SMPDL3A: variants seen among roughly 807,000 people sequenced by gnomAD.
The protein encoded by SMPDL3A is sphingomyelin phosphodiesterase acid like 3A, also known as cyclic GMP-AMP phosphodiesterase SMPDL3A.
In SMPDL3A, 39 loss-of-function variants were observed where a neutral mutation model predicts 38.5. The observed-to-expected ratio is 1.01, with a 90% CI of 0.78 to 1.32. The LOEUF is 1.32. Ranked by LOEUF, SMPDL3A falls within the 40% of genes most tolerant of loss-of-function variation. The pLI is 0.00. For missense variants in SMPDL3A, 502 were observed against 536.2 expected, an observed-to-expected ratio of 0.94 and a Z score of 0.63; for synonymous variants, 180 against 194.3, an observed-to-expected ratio of 0.93 and a Z score of 0.61.
At chr6:122,789,578 G>C in intron 1 of SMPDL3A, 120 bp downstream of exon 1, 1 of 953,270 alleles carries the variant, frequency 1.0e-6, no homozygotes, top group Non-Finnish European at 1.6e-6. Flanking sequence ...GGGCTAGCGG[G>C]GCCCCTGACG....
chr6:122,803,192 C>A (rs964185415), intron 4 of SMPDL3A, among the ~76,000 whole-genome samples: 1 of 152,190 alleles, frequency 6.6e-6, no homozygotes, highest in African/African-American at 2.4e-5. Context: ...CTTTAAACCT[C>A]CTCTCCCCTG....
chr6:122,806,489 CT>C, intron 7 of SMPDL3A, 132 bp downstream of exon 7: 1 of 890,302 alleles, frequency 1.1e-6, no homozygotes, highest in Admixed American at 2.4e-5. Context: ...CATCCTTCTT[CT>C]TTTTTATACT....
chr6:122,794,424 C>T (rs548673090), intron 1 of SMPDL3A, among the ~76,000 whole-genome samples: 6 of 152,000 alleles, frequency 3.9e-5, no homozygotes, highest in South Asian at 2.1e-4. Flanking sequence ...GGTGAAACCC[C>T]GTCTCTACTA....
Position 122,801,331 on chromosome 6 carries a change from A to C in SMPDL3A, c.493A>C (p.Ser165Arg). The change falls in exon 4 of 8, where the codon AGT (serine) becomes CGT (arginine). Residue 165 changes from serine (S) to arginine (R), a missense_variant. By Grantham distance (110) the Ser-to-Arg change is moderately radical. Transcript: ENST00000368440. ...CCAGGATCAACTGCCTGTAGTCACC[A>C]GTAAAGTGTACAATGCAGTAGCAAA... ...WPQDQLPVVT[S>R]KVYNAVANLW... 6.2e-7 allele frequency: 1 copy of C among 1,613,152 alleles called. No homozygotes were observed. Among genetic ancestry groups the C allele is most frequent in the Non-Finnish European group, 8.5e-7 (1 of 1,179,068 alleles).
Position 122,809,322 on chromosome 6 carries a change from G to T in SMPDL3A, c.1276G>T (p.Ala426Ser). The T allele has an allele frequency of 1.2e-6, 2 of 1,613,710 alleles. No individual in the cohort carries two copies. Among genetic ancestry groups the T allele is most frequent in the Non-Finnish European group, 8.5e-7 (1 of 1,179,660 alleles). ...SSVTCDKTCK[A>S]FQICAIMNLD... Reference sequence around the variant, plus strand: ...TGTAACATGTGATAAGACATGTAAGGCCTTTCAGATTTGTGCAATTATGAA... The same window carrying T: ...TGTAACATGTGATAAGACATGTAAGTCCTTTCAGATTTGTGCAATTATGAA... The change falls in exon 8 of 8, where the codon GCC becomes TCC. Residue 426 changes from alanine (A) to serine (S), a missense_variant. Ala to Ser is a moderately conservative substitution (Grantham distance 99). Coordinates refer to ENST00000368440, the MANE Select transcript of SMPDL3A (RefSeq NM_006714.5).
chr6:122,806,866 G>A (rs539178304), intron 7 of SMPDL3A, among the ~76,000 whole-genome samples: 1 of 152,222 alleles, frequency 6.6e-6, no homozygotes, highest in Non-Finnish European at 1.5e-5. Context: ...AAAACGCTTG[G>A]CTCATACTAA....
Position 122,789,268 on chromosome 6 carries a change from T to C in SMPDL3A, c.-79T>C, listed in dbSNP as rs1481121170. ...TCTACACCCGCAGCCGTCTTCTGTC[T>C]CCGCCTCACCCTCAGGCCTGACGGT... On this transcript the variant is annotated 5_prime_UTR_variant, in exon 1 of 8. Transcript: ENST00000368440. 2.9e-6 allele frequency: 3 copies of C among 1,024,778 alleles called. No individual in the cohort carries two copies. Among genetic ancestry groups the C allele is most frequent in the African/African-American group, 3.3e-5 (2 of 60,736 alleles). The allele number at this position is 1,024,778 out of a possible 1,614,324, so 63.5% of individuals were successfully genotyped here. A position where few individuals can be genotyped will look rare whatever the true frequency, so the allele number is the denominator to read the frequency against.
intron 7 of SMPDL3A, 28 bp downstream of exon 7, chr6:122,806,385 C>A: frequency 1.3e-6 from 2 of 1,580,620 alleles, no homozygotes; most frequent in Non-Finnish European, 1.7e-6. Context: ...AGAGCTGACC[C>A]CATATTTATG....
At chr6:122,789,894 C>T in intron 1 of SMPDL3A, 1 of 983,878 alleles carries the variant, frequency 1.0e-6, no homozygotes, top group Non-Finnish European at 1.2e-6. Context: ...TGCAGTTTCC[C>T]CACCAGCTCA....
intron 1 of SMPDL3A, among the ~76,000 whole-genome samples, chr6:122,794,611 C>CA (rs560581701): frequency 3.1e-4 from 47 of 151,070 alleles, no homozygotes; most frequent in Non-Finnish European, 5.6e-4. Flanking sequence ...AAAACACACA[C>CA]AAAAAAAAAC....
intron 4 of SMPDL3A, among the ~76,000 whole-genome samples, chr6:122,802,788 A>G (rs1284873791): frequency 6.6e-6 from 1 of 152,166 alleles, no homozygotes; most frequent in Admixed American, 6.5e-5. Context: ...ATCCTGAGAA[A>G]GTCTTAAAGG....
rs777559800 is a variant in SMPDL3A at position 122,789,439 on chromosome 6, G to A, written c.93G>A (p.Arg31=). The A allele has an allele frequency of 2.1e-5, 32 of 1,549,342 alleles. No homozygotes were observed. In the African/African-American group the frequency reaches 4.0e-4, roughly 19 times the overall value. The change falls in exon 1 of 8, where the codon AGG becomes AGA. Residue 31 remains arginine, a synonymous_variant. Transcript: ENST00000368440. Reference sequence around the variant, plus strand: ...TGCCCGTGGCGCCCGCAGGCGGCAGGAATCCTCCTCCGGCGATAGGTGAGT... The same window carrying A: ...TGCCCGTGGCGCCCGCAGGCGGCAGAAATCCTCCTCCGGCGATAGGTGAGT... ...LGLPVAPAGG[R]NPPPAIGQFW... is the part of the protein sequence containing the mutation.
intron 3 of SMPDL3A, among the ~76,000 whole-genome samples, chr6:122,797,847 A>C (rs1017026077): frequency 1.3e-5 from 2 of 152,116 alleles, no homozygotes; most frequent in Non-Finnish European, 2.9e-5. Flanking sequence ...CCTACCCTTC[A>C]TTTTGTAGGT....
At chr6:122,799,553 T>C (rs1781356821) in intron 3 of SMPDL3A, among the ~76,000 whole-genome samples, 1 of 152,234 alleles carries the variant, frequency 6.6e-6, no homozygotes, top group African/African-American at 2.4e-5. Context: ...CAAGACTTTA[T>C]GGCTTTTTAT....
chr6:122,790,600 C>T (rs950653455), intron 1 of SMPDL3A, among the ~76,000 whole-genome samples: 4 of 152,282 alleles, frequency 2.6e-5, no homozygotes, highest in East Asian at 1.9e-4. Flanking sequence ...AGGCCAAGTC[C>T]TCACGACTCA....
intron 3 of SMPDL3A, among the ~76,000 whole-genome samples, chr6:122,798,109 C>T (rs554943814): frequency 3.0e-4 from 45 of 152,250 alleles, no homozygotes; most frequent in African/African-American, 1.0e-3. Context: ...GAATGCTGAA[C>T]GGGGGTTTTG....
chr6:122,795,777 C>A lies in SMPDL3A; in HGVS notation c.213C>A (p.Ser71=). The part of the protein sequence containing the change: ...VCASSKGANA[S]NPGPFGDVLC... Reference sequence around the variant, plus strand: ...CTTCATCTAAAGGTGCAAATGCCTCCAACCCTGGCCCTTTTGGAGATGTTC... The same window carrying A: ...CTTCATCTAAAGGTGCAAATGCCTCAAACCCTGGCCCTTTTGGAGATGTTC... Residue 71 remains serine (S), a synonymous_variant, in exon 2 of 8, where the codon TCC becomes TCA. Transcript: ENST00000368440. The A allele has an allele frequency of 6.2e-7, 1 of 1,614,100 alleles. No individual in the cohort carries two copies. The highest frequency in any genetic ancestry group is 8.5e-7 in the Non-Finnish European group (1 of 1,179,982).
At position 122,809,508 on chromosome 6, in the gene SMPDL3A, A is replaced by AGACTTCCT; in HGVS notation, c.*102_*109dup. The AGACTTCCT allele has an allele frequency of 1.2e-6, 1 of 809,442 alleles. No homozygotes were observed. Among genetic ancestry groups the AGACTTCCT allele is most frequent in the Non-Finnish European group, 1.9e-6 (1 of 513,092 alleles). 50.1% of individuals were successfully genotyped at this position (809,442 alleles called of 1,614,324 possible). On this transcript the variant is annotated 3_prime_UTR_variant, in exon 8 of 8. Transcript: ENST00000368440. ...TTTGTTAATTACTGAGTGGGCAAGT[A>AGACTTCCT]GACTTCCTGTCTTTGCTTTCTTTTT...
chr6:122,808,646 C>A (rs1781739428), intron 7 of SMPDL3A, among the ~76,000 whole-genome samples: 3 of 55,346 alleles, frequency 5.4e-5, no homozygotes, highest in Non-Finnish European at 7.4e-5. Flanking sequence ...TTCCTTCCCC[C>A]CCTCCTCCCC....
Sources: gnomAD v4.1 joint callset for allele counts (sites outside exome capture counted in the v4.1 genomes callset) on GRCh38, gnomAD v4.1.1 for gene constraint, MANE v1.5 for transcripts, NCBI Gene and HGNC (gene_info 2026-07-23, HGNC 2026-07-21) for gene names.